The following ADGRV1 variants were observed in gnomAD, a reference collection of about 807,000 sequenced individuals.
ADGRV1 encodes adhesion G protein-coupled receptor V1.
ADGRV1 carries 359 observed loss-of-function variants against 596.2 expected under a neutral mutation model. The observed-to-expected ratio is 0.60, with a 90% CI of 0.55 to 0.66. The LOEUF (loss-of-function observed/expected upper bound fraction) is 0.66. Ranked by LOEUF, ADGRV1 falls within the 30% of genes least tolerant of loss-of-function variation. The pLI is 0.00. For synonymous variants in ADGRV1, 2,681 were observed against 2,679.2 expected, an observed-to-expected ratio of 1.00 and a Z score of -0.02; for missense variants, 7,274 against 7,575.6, an observed-to-expected ratio of 0.96 and a Z score of 1.48.
chr5:90,729,453 G>A (rs1752244698), intron 49 of ADGRV1, among the ~76,000 whole-genome samples, 189 bp from the exon 50 acceptor site: 1 of 152,144 alleles, frequency 6.6e-6, no homozygotes, highest in East Asian at 1.9e-4. Context: ...GACTAATAAT[G>A]TATTCCCGTC....
At chr5:90,817,746 G>A (rs916984526) in intron 75 of ADGRV1, among the ~76,000 whole-genome samples, 1 of 152,122 alleles carries the variant, frequency 6.6e-6, no homozygotes, top group African/African-American at 2.4e-5. Context: ...TTACTTCTGA[G>A]GGCTCTGTTC....
intron 1 of ADGRV1, among the ~76,000 whole-genome samples, chr5:90,591,813 A>G (rs1759541807): frequency 6.6e-6 from 1 of 152,250 alleles, no homozygotes; most frequent in African/African-American, 2.4e-5. Context: ...AAGTTATTGA[A>G]TGGTTAACAT....
chr5:90,702,567 A>C (rs1748042020), intron 34 of ADGRV1, among the ~76,000 whole-genome samples: 1 of 151,960 alleles, frequency 6.6e-6, no homozygotes, highest in African/African-American at 2.4e-5. Context: ...CCTATAAGAA[A>C]TATTTGTTTA....
At chr5:91,065,968 T>TA (rs1348554438) in intron 85 of ADGRV1, among the ~76,000 whole-genome samples, 1 of 152,190 alleles carries the variant, frequency 6.6e-6, no homozygotes, top group Non-Finnish European at 1.5e-5. Context: ...CAGTAAAAGT[T>TA]ATGTGGTTGT....
Position 91,035,861 on chromosome 5 carries a change from T to TAATATATATATATATATATATA in ADGRV1, c.18153-36586_18153-36585insAATATATATATATATATATATA. On this transcript the variant is annotated intron_variant, in intron 85 of 89. Transcript: ENST00000405460. ...ATGAGTGTGTATATATATATATATA[T>TAATATATATATATATATATATA]TATATATATATATATATATATCTTA... 2.9e-3 allele frequency among the ~76,000 whole-genome samples: 281 copies of TAATATATATATATATATATATA among 96,362 alleles called. 2 individuals carry two copies. Among genetic ancestry groups the TAATATATATATATATATATATA allele is most frequent in the Middle Eastern group, 5.4e-3 (1 of 186 alleles). The allele number at this position is 96,362 out of a possible 152,430, so 63.2% of individuals were successfully genotyped here.
intron 83 of ADGRV1, among the ~76,000 whole-genome samples, chr5:90,932,858 AACAC>A (rs139161259): frequency 6.6e-6 from 1 of 152,134 alleles, no homozygotes; most frequent in Non-Finnish European, 1.5e-5. Flanking sequence ...TACATGTAAA[AACAC>A]ACAGCAACAA....
In ADGRV1 at chr5:90,759,410, T is replaced by G. The variant is rs1281900710; in HGVS notation, c.11942T>G (p.Val3981Gly). The G allele has an allele frequency of 1.3e-6, 2 of 1,547,968 alleles. No homozygotes were observed. Among genetic ancestry groups the G allele is most frequent in the East Asian group, 2.4e-5 (1 of 41,518 alleles). Residue 3981 changes from valine to glycine, a missense_variant and splice_region_variant, in exon 58 of 90, where the codon GTT (valine) becomes GGT (glycine). By Grantham distance (109) the Val-to-Gly change is moderately radical (BLOSUM62 -3). Transcript: ENST00000405460. ...HGILEFADKQ[V>G]TAMIEITIID... ...TCCCTTCCTTCCTTTCTTTCATAGG[T>G]TACTGCAATGATAGAAATCACCATA... is the stretch of plus-strand genomic sequence containing the variant.
chr5:90,596,755 C>T (rs545411053), intron 1 of ADGRV1, among the ~76,000 whole-genome samples: 104 of 152,224 alleles, frequency 6.8e-4, no homozygotes, highest in Non-Finnish European at 8.2e-4. Flanking sequence ...GTCCAGCTTC[C>T]GCTCGGCATC....
chr5:90,734,133 G>A (rs976670623), intron 50 of ADGRV1, among the ~76,000 whole-genome samples: 4 of 152,060 alleles, frequency 2.6e-5, no homozygotes, highest in Admixed American at 1.3e-4. Flanking sequence ...ATTCCATCGC[G>A]TATATATACC....
chr5:90,856,150 GGATA>G lies in ADGRV1; in HGVS notation c.17755+252_17755+255del, dbSNP rs1767004796. The stretch of plus-strand genomic sequence containing the variant: ...CATAAAGAATATGTAATACAGTGTA[GGATA>G]GAAGCTAGATAATAGGTAAGGAAAG... On this transcript the variant is annotated intron_variant, in intron 82 of 89. Transcript: ENST00000405460. Among the ~76,000 whole-genome samples the G allele has an allele frequency of 2.6e-5, 4 of 152,260 alleles. No homozygotes were observed. In the South Asian group the frequency reaches 8.3e-4, roughly 32 times the overall value.
intron 86 of ADGRV1, among the ~76,000 whole-genome samples, chr5:91,088,184 A>AC (rs1790052383): frequency 2.0e-5 from 3 of 152,194 alleles, no homozygotes; most frequent in African/African-American, 7.2e-5. Flanking sequence ...TAGAGACTGT[A>AC]AAACAGAATA....
chr5:90,857,423 G>C (rs1351370739), intron 82 of ADGRV1, among the ~76,000 whole-genome samples: 1 of 151,934 alleles, frequency 6.6e-6, no homozygotes, highest in East Asian at 1.9e-4. Context: ...ACTAAAGAGA[G>C]AATGTTATCC....
chr5:91,150,196 A>G lies in ADGRV1; in HGVS notation c.18599A>G (p.Gln6200Arg), dbSNP rs1463364739. The G allele has an allele frequency of 6.3e-7, 1 of 1,590,274 alleles. No individual in the cohort carries two copies. Among genetic ancestry groups the G allele is most frequent in the Non-Finnish European group, 8.6e-7 (1 of 1,168,980 alleles). The change falls in exon 88 of 90, where the codon CAG becomes CGG. Residue 6200 changes from glutamine to arginine, a missense_variant. This residue lies in a region of ADGRV1 where 1,874 missense variants were observed against 1,970.2 expected (regional missense o/e 0.95). Coordinates refer to ENST00000405460, the MANE Select transcript of ADGRV1 (RefSeq NM_032119.4). Reference sequence around the variant, plus strand: ...GGAGGGGAAATCAGCAAGTCCACCCAGAATCTCATCGGTGCTATGGAGGAG... The same window carrying G: ...GGAGGGGAAATCAGCAAGTCCACCCGGAATCTCATCGGTGCTATGGAGGAG... ...PAGGEISKSTQNLIGAMEEVP... is the reference protein window; with the variant it reads ...PAGGEISKSTRNLIGAMEEVP...
rs34676985 is a variant in ADGRV1 at position 90,958,283 on chromosome 5, CAAAAAAA to C, written c.17857-7118_17857-7112del. On this transcript the variant is annotated intron_variant, in intron 83 of 89. Coordinates refer to ENST00000405460, the MANE Select transcript of ADGRV1 (RefSeq NM_032119.4). ...TGGGTGACAGAGCCAGACCTTGTCT[CAAAAAAA>C]AAAAAAAAAAAAAGAAAAGAAAAGA... is the stretch of plus-strand genomic sequence containing the variant. 8.2e-5 allele frequency among the ~76,000 whole-genome samples: 6 copies of C among 72,840 alleles called. No individual in the cohort carries two copies. The East Asian group carries it at 1.9e-3, about 23-fold the overall frequency. 47.8% of individuals were successfully genotyped at this position (72,840 alleles called of 152,430 possible).
At chr5:90,815,382 A>C (rs1456467995) in intron 74 of ADGRV1, among the ~76,000 whole-genome samples, 2 of 152,176 alleles carry the variant, frequency 1.3e-5, no homozygotes, top group Admixed American at 1.3e-4. Flanking sequence ...TGTGTGTGTC[A>C]GGGGGAAAGA....
At chr5:91,036,579 G>C (rs1053922102) in intron 85 of ADGRV1, among the ~76,000 whole-genome samples, 38 of 149,140 alleles carry the variant, frequency 2.5e-4, no homozygotes, top group Admixed American at 5.4e-4. Flanking sequence ...AAAAAAAAAC[G>C]GCCAGGCCTG....
chr5:90,595,880 CG>C (rs1200672013), intron 1 of ADGRV1, among the ~76,000 whole-genome samples: 1 of 147,292 alleles, frequency 6.8e-6, no homozygotes, highest in Non-Finnish European at 1.5e-5. Flanking sequence ...GCTGGCCTGG[CG>C]GGGGGCTGAC....
At position 90,615,027 on chromosome 5, in the gene ADGRV1, A is replaced by G. The variant is rs762809484; in HGVS notation, c.207+8A>G. 4 of 1,396,064 alleles carry G rather than the reference A, an allele frequency of 2.9e-6. No individual in the cohort carries two copies. The highest frequency in any genetic ancestry group is 5.9e-5 in the Admixed American group (2 of 33,756). 86.5% of individuals were successfully genotyped at this position (1,396,064 alleles called of 1,614,324 possible). On this transcript the variant is annotated splice_region_variant and intron_variant, in intron 2 of 89. Coordinates refer to ENST00000405460, the MANE Select transcript of ADGRV1 (RefSeq NM_032119.4). ...GTTACTGCAATTGTATCGGTAAGAA[A>G]TTATTATAGCTCTATTTTTACTGAA...
At chr5:90,884,158 G>C (rs1385091063) in intron 83 of ADGRV1, among the ~76,000 whole-genome samples, 1 of 152,146 alleles carries the variant, frequency 6.6e-6, no homozygotes, top group Non-Finnish European at 1.5e-5. Context: ...ATAATTTGTT[G>C]TGGGGCACTG....
Sources: allele counts gnomAD v4.1 joint callset (sites outside exome capture counted in the v4.1 genomes callset), GRCh38; gene constraint gnomAD v4.1.1; regional missense constraint gnomAD v4.1.1; transcripts MANE v1.5; gene names NCBI Gene and HGNC (gene_info 2026-07-23, HGNC 2026-07-21).